The following MTOR variants were observed in gnomAD, a reference collection of about 807,000 sequenced individuals.
The protein encoded by MTOR is mechanistic target of rapamycin kinase.
In MTOR, 70 loss-of-function variants were observed where a neutral mutation model predicts 319.8. The observed-to-expected ratio is 0.22, with a 90% CI of 0.18 to 0.27. The LOEUF (loss-of-function observed/expected upper bound fraction) is 0.27. Ranked by LOEUF, MTOR falls within the 10% of genes least tolerant of loss-of-function variation. MTOR has a pLI of 1.00. For synonymous variants in MTOR, 1,183 were observed against 1,211.4 expected (o/e 0.98, Z 0.49); for missense variants, 1,890 against 3,274.4 (o/e 0.58, Z 10.32).
intron 29 of MTOR, among the ~76,000 whole-genome samples, chr1:11,160,351 C>T (rs1014792001): frequency 2.0e-5 from 3 of 152,104 alleles, no homozygotes; most frequent in Non-Finnish European, 2.9e-5. Flanking sequence ...CTGCCCATCT[C>T]GGCCTCCCAA....
intron 28 of MTOR, among the ~76,000 whole-genome samples, chr1:11,182,182 G>A (rs12144048): frequency 0.1 from 15,511 of 151,180 alleles, 1,333 homozygotes; most frequent in African/African-American, 0.22. Context: ...GCGCCACTGC[G>A]CTCCAGCCTG....
chr1:11,121,120 T>C lies in MTOR; in HGVS notation c.6933+126A>G. ...CCATTTCATTTTTGTTAGAAAAGTC[T>C]GGACACGCTCTACAGCCAATCACAG... On this transcript the variant is annotated intron_variant, in intron 49 of 57. Coordinates refer to ENST00000361445, the MANE Select transcript of MTOR (RefSeq NM_004958.4). The surrounding 1 kb of genome is among the most constrained non-coding windows in gnomAD (Gnocchi z 4.9). The C allele has an allele frequency of 7.6e-7, 1 of 1,309,682 alleles. No individual in the cohort carries two copies. Among genetic ancestry groups the C allele is most frequent in the Non-Finnish European group, 1.0e-6 (1 of 977,794 alleles). 81.1% of individuals were successfully genotyped at this position (1,309,682 alleles called of 1,614,324 possible).
At chr1:11,248,217 G>A (rs1649102760) in intron 6 of MTOR, 123 bp from the exon 7 acceptor site, 10 of 1,001,792 alleles carry the variant, frequency 1.0e-5, no homozygotes, top group African/African-American at 1.6e-5. Flanking sequence ...CAAAGTGAAG[G>A]GTGGCCACTC....
At chr1:11,231,521 A>C in intron 16 of MTOR, 87 bp from the exon 17 acceptor site, 1 of 1,500,988 alleles carries the variant, frequency 6.7e-7, no homozygotes, top group East Asian at 2.3e-5. Context: ...ATTATAATGA[A>C]GTGTTAGAGG....
At chr1:11,236,200 A>G (rs1354584963) in intron 13 of MTOR, among the ~76,000 whole-genome samples, 2 of 149,642 alleles carry the variant, frequency 1.3e-5, no homozygotes, top group African/African-American at 2.5e-5. Context: ...GCAGTGGCAC[A>G]ATCACGGCTC....
chr1:11,200,602 A>G (rs970477884), intron 26 of MTOR, among the ~76,000 whole-genome samples: 2 of 152,152 alleles, frequency 1.3e-5, no homozygotes, highest in African/African-American at 4.8e-5. Flanking sequence ...CTCTATACCT[A>G]TTTTCTGTTA....
In MTOR at chr1:11,121,626, TG is replaced by T. The variant is rs1298664282; in HGVS notation, c.6811-259del. On this transcript the variant is annotated intron_variant, in intron 48 of 57. Coordinates refer to ENST00000361445, the MANE Select transcript of MTOR (RefSeq NM_004958.4). This position sits in a 1 kb window ranked among gnomAD's most constrained non-coding sequence, Gnocchi z 4.9. The stretch of plus-strand genomic sequence containing the variant: ...AGGCCTTCTGTGCAGATGAGAGTAC[TG>T]GAAGTTTCAAGGTTTTGGAAAACAA... Among the ~76,000 whole-genome samples the T allele has an allele frequency of 6.6e-6, 1 of 152,230 alleles. No individual in the cohort carries two copies. Among genetic ancestry groups the T allele is most frequent in the African/African-American group, 2.4e-5 (1 of 41,464 alleles).
chr1:11,175,654 G>C (rs1359024524), intron 28 of MTOR, among the ~76,000 whole-genome samples: 1 of 152,182 alleles, frequency 6.6e-6, no homozygotes, highest in Admixed American at 6.5e-5. Context: ...CCCCGGCAAA[G>C]GCCCTGTCAG....
chr1:11,209,534 G>T lies in MTOR; in HGVS notation c.3655-76C>A, dbSNP rs1016095234. On this transcript the variant is annotated intron_variant, in intron 24 of 57. Coordinates refer to ENST00000361445, the MANE Select transcript of MTOR (RefSeq NM_004958.4). ...GGTTTAGGAAATATCCTTAAATTTT[G>T]GGAGGTGCAGACCTGGTAGAGCCAG... 1.9e-5 allele frequency: 30 copies of T among 1,564,026 alleles called. No individual in the cohort carries two copies. In the East Asian group the frequency reaches 5.4e-4, roughly 28 times the overall value.
At chr1:11,144,606 G>T (rs754147130) in intron 34 of MTOR, 42 bp downstream of exon 34, 96 of 1,576,798 alleles carry the variant, frequency 6.1e-5, no homozygotes, top group Non-Finnish European at 8.3e-5. Context: ...CCTGGAAGGG[G>T]TAGGGGTAGG....
At chr1:11,255,276 G>C (rs778103074) in intron 5 of MTOR, among the ~76,000 whole-genome samples, 1 of 150,788 alleles carries the variant, frequency 6.6e-6, no homozygotes, top group Non-Finnish European at 1.5e-5. Flanking sequence ...CCAGCTACTC[G>C]GGAGGCTGAG....
chr1:11,173,205 G>A (rs1194691914), intron 28 of MTOR, among the ~76,000 whole-genome samples: 1 of 152,110 alleles, frequency 6.6e-6, no homozygotes, highest in Non-Finnish European at 1.5e-5. Flanking sequence ...CGTTGGCCAG[G>A]CTGGTCTAGA....
chr1:11,156,341 CATTTT>C (rs1378714522), intron 30 of MTOR, among the ~76,000 whole-genome samples: 1 of 152,146 alleles, frequency 6.6e-6, no homozygotes, highest in Non-Finnish European at 1.5e-5. Context: ...GATAGTATAG[CATTTT>C]ATTTTAACTA....
At position 11,212,549 on chromosome 1, in the gene MTOR, A is replaced by G. The variant is rs1646345876; in HGVS notation, c.3399-75T>C. ...AAGAGACGTGACTGAGGGTGAGCTT[A>G]ACAATCAGCACCAAAGGGATGGGAA... On this transcript the variant is annotated intron_variant, in intron 22 of 57. Coordinates refer to ENST00000361445, the MANE Select transcript of MTOR (RefSeq NM_004958.4). This position sits in a 1 kb window ranked among gnomAD's most constrained non-coding sequence, Gnocchi z 4.1. The G allele has an allele frequency of 2.0e-6, 3 of 1,526,350 alleles. No individual in the cohort carries two copies. Among genetic ancestry groups the G allele is most frequent in the Admixed American group, 3.8e-5 (2 of 52,352 alleles). The allele number at this position is 1,526,350 out of a possible 1,614,324, so 94.6% of individuals were successfully genotyped here. A position where few individuals can be genotyped will look rare whatever the true frequency, so the allele number is the denominator to read the frequency against.
At chr1:11,244,969 C>T (rs1453749842) in intron 8 of MTOR, among the ~76,000 whole-genome samples, 3 of 152,182 alleles carry the variant, frequency 2.0e-5, no homozygotes, top group African/African-American at 7.2e-5. Context: ...ACGCATTTCT[C>T]AGAATGTATC....
At chr1:11,229,857 G>A (rs1279534143) in intron 18 of MTOR, among the ~76,000 whole-genome samples, 1 of 152,064 alleles carries the variant, frequency 6.6e-6, no homozygotes, top group African/African-American at 2.4e-5. Context: ...CACGCCTGTA[G>A]TCCCAGCTAC....
chr1:11,167,167 C>T lies in MTOR; in HGVS notation c.4329+275G>A, dbSNP rs2878372. Among the ~76,000 whole-genome samples the T allele has an allele frequency of 0.059, 8,951 of 151,854 alleles. 372 individuals are homozygous for T. The highest frequency in any genetic ancestry group is 0.12 in the South Asian group (595 of 4,802). Reference sequence around the variant, plus strand: ...GTAAATGACGAGTTAATGGGTGCAGCACACCAACATGGCACATGTGTACAT... The same window carrying T: ...GTAAATGACGAGTTAATGGGTGCAGTACACCAACATGGCACATGTGTACAT... On this transcript the variant is annotated intron_variant, in intron 29 of 57. Transcript: ENST00000361445.
chr1:11,235,483 C>T (rs1647173355), intron 13 of MTOR, among the ~76,000 whole-genome samples: 2 of 151,802 alleles, frequency 1.3e-5, no homozygotes, highest in East Asian at 3.9e-4. Context: ...GATTCTGTCT[C>T]AAAACAAAAC....
At chr1:11,131,417 CA>C in intron 38 of MTOR, 1 of 152,998 alleles carries the variant, frequency 6.5e-6, no homozygotes, top group Non-Finnish European at 1.5e-5. Context: ...ATAAAGTGTA[CA>C]TTTAGGGGAG....
Sources: allele counts gnomAD v4.1 joint callset (sites outside exome capture counted in the v4.1 genomes callset), GRCh38; gene constraint gnomAD v4.1.1; non-coding constraint Gnocchi (gnomAD v3.1); transcripts MANE v1.5; gene names NCBI Gene and HGNC (gene_info 2026-07-23, HGNC 2026-07-21).